RBM20: variants seen among roughly 807,000 people sequenced by gnomAD.
RBM20 encodes the protein RNA binding motif protein 20, also known as RNA-binding protein 20.
A neutral mutation model predicts 110.1 loss-of-function variants in RBM20; 51 were observed. The ratio of observed to expected loss-of-function variants is 0.46; its 90% CI spans 0.37 to 0.59. The LOEUF is 0.59. Among genes scored for constraint, RBM20 ranks in the 20% least tolerant of loss-of-function variants. RBM20 has a pLI of 0.00. For synonymous variants in RBM20, 589 were observed against 618.2 expected (o/e 0.95, Z 0.70); for missense variants, 1,512 against 1,574.9 (o/e 0.96, Z 0.68).
chr10:110,823,996 G>A (rs988349857), intron 12 of RBM20, among the ~76,000 whole-genome samples: 1 of 151,848 alleles, frequency 6.6e-6, no homozygotes, highest in Non-Finnish European at 1.5e-5. Context: ...CAAAGTGCTG[G>A]GACTACAGGT....
intron 1 of RBM20, among the ~76,000 whole-genome samples, chr10:110,656,692 G>A (rs1192853549): frequency 1.3e-5 from 2 of 152,114 alleles, no homozygotes; most frequent in Non-Finnish European, 2.9e-5. Flanking sequence ...TTGCCTATTC[G>A]GGAGATTTCA....
intron 1 of RBM20, among the ~76,000 whole-genome samples, chr10:110,713,452 G>C (rs547249839): frequency 3.9e-5 from 6 of 152,166 alleles, no homozygotes; most frequent in Non-Finnish European, 8.8e-5. Context: ...TTATAACCCT[G>C]ACTAGGATAA....
At chr10:110,774,753 G>C (rs7912920) in intron 1 of RBM20, among the ~76,000 whole-genome samples, 20,537 of 152,072 alleles carry the variant, frequency 0.14, 1,708 homozygotes, top group African/African-American at 0.23. Context: ...TAAGGCCTCA[G>C]CTCACTCTTA....
At chr10:110,661,268 C>T (rs1227328743) in intron 1 of RBM20, among the ~76,000 whole-genome samples, 1 of 152,200 alleles carries the variant, frequency 6.6e-6, no homozygotes, top group Non-Finnish European at 1.5e-5. Flanking sequence ...ATTGTAGCCT[C>T]TGCTCCTGTG....
intron 1 of RBM20, among the ~76,000 whole-genome samples, chr10:110,681,073 T>C (rs1302365477): frequency 6.6e-6 from 1 of 152,226 alleles, no homozygotes; most frequent in African/African-American, 2.4e-5. Context: ...CAGGGGCACC[T>C]TCTTCTCGCA....
intron 1 of RBM20, among the ~76,000 whole-genome samples, chr10:110,655,270 A>T (rs1477898050): frequency 1.7e-5 from 1 of 59,648 alleles, no homozygotes; most frequent in Non-Finnish European, 3.4e-5. Context: ...TCCGTCCCCC[A>T]CCCCCGCCCT....
intron 1 of RBM20, among the ~76,000 whole-genome samples, chr10:110,734,774 T>C (rs527422864): frequency 2.0e-4 from 30 of 146,930 alleles, no homozygotes; most frequent in African/African-American, 7.3e-4. Flanking sequence ...TATTCTTTAT[T>C]TATATACAGT....
intron 1 of RBM20, among the ~76,000 whole-genome samples, chr10:110,725,025 C>A (rs1277330811): frequency 6.6e-6 from 1 of 152,220 alleles, no homozygotes; most frequent in Non-Finnish European, 1.5e-5. Context: ...GTGATAAACA[C>A]TGTCACTGAG....
chr10:110,775,587 G>C (rs7090412), intron 1 of RBM20, among the ~76,000 whole-genome samples: 49,654 of 151,970 alleles, frequency 0.33, 8,357 homozygotes, highest in East Asian at 0.45. Flanking sequence ...CATGCCTGCT[G>C]CCTCCTCTCT....
chr10:110,701,100 C>T (rs900840252), intron 1 of RBM20, among the ~76,000 whole-genome samples: 11 of 152,132 alleles, frequency 7.2e-5, no homozygotes, highest in African/African-American at 2.2e-4. Context: ...AGACTCATTG[C>T]AAAGGAAATG....
At chr10:110,750,306 A>G (rs879516065) in intron 1 of RBM20, among the ~76,000 whole-genome samples, 1 of 152,200 alleles carries the variant, frequency 6.6e-6, no homozygotes, top group Non-Finnish European at 1.5e-5. Flanking sequence ...CAAACCCAAA[A>G]TCCTGATTGA....
chr10:110,732,172 T>A (rs764420072), intron 1 of RBM20, among the ~76,000 whole-genome samples: 13 of 152,164 alleles, frequency 8.5e-5, no homozygotes, highest in Non-Finnish European at 1.8e-4. Flanking sequence ...CCTTCAATAT[T>A]CCCATGTTGC....
At chr10:110,787,045 A>T (rs1200211439) in intron 5 of RBM20, among the ~76,000 whole-genome samples, 1 of 152,224 alleles carries the variant, frequency 6.6e-6, no homozygotes, top group East Asian at 1.9e-4. Flanking sequence ...ACTTGGCTCT[A>T]GGGACCTAAG....
chr10:110,751,051 G>A (rs116548586), intron 1 of RBM20, among the ~76,000 whole-genome samples: 1 of 152,192 alleles, frequency 6.6e-6, no homozygotes, highest in African/African-American at 2.4e-5. Context: ...GCAGAGAGAG[G>A]GCTTTGAAGG....
intron 1 of RBM20, among the ~76,000 whole-genome samples, chr10:110,763,803 G>GA (rs1209964920): frequency 2.5e-5 from 3 of 121,310 alleles, no homozygotes; most frequent in Non-Finnish European, 4.8e-5. Flanking sequence ...AAGACTGGTT[G>GA]AAGGCGTTAG....
At chr10:110,775,910 C>G (rs1844256441) in intron 1 of RBM20, among the ~76,000 whole-genome samples, 1 of 152,224 alleles carries the variant, frequency 6.6e-6, no homozygotes, top group Non-Finnish European at 1.5e-5. Flanking sequence ...CATCAAGGAG[C>G]TGCCTGTACC....
intron 1 of RBM20, among the ~76,000 whole-genome samples, chr10:110,765,650 C>A (rs902002624): frequency 4.6e-5 from 7 of 152,098 alleles, no homozygotes; most frequent in Non-Finnish European, 1.0e-4. Flanking sequence ...CTATCTGATG[C>A]AATTACAAGT....
Position 110,739,333 on chromosome 10 carries a change from C to T in RBM20, c.192-41468C>T, listed in dbSNP as rs1843702982. ...ATTCAATATACATTCATTAGGTGCC[C>T]ACTCTGGGTTACTGTGTCTCGCACT... On this transcript the variant is annotated intron_variant, in intron 1 of 13. Coordinates refer to ENST00000369519, the MANE Select transcript of RBM20 (RefSeq NM_001134363.3). The surrounding 1 kb of genome is among the most constrained non-coding windows in gnomAD (Gnocchi z 4.1). Among the ~76,000 whole-genome samples the T allele has an allele frequency of 6.6e-6, 1 of 152,138 alleles. No individual in the cohort carries two copies. Among genetic ancestry groups the T allele is most frequent in the African/African-American group, 2.4e-5 (1 of 41,410 alleles).
At chr10:110,668,638 C>A (rs1862216076) in intron 1 of RBM20, among the ~76,000 whole-genome samples, 1 of 152,054 alleles carries the variant, frequency 6.6e-6, no homozygotes, top group African/African-American at 2.4e-5. Context: ...GTCGTTCCTG[C>A]CCAGAGAGTT....
Sources: gnomAD v4.1 joint callset for allele counts (sites outside exome capture counted in the v4.1 genomes callset) on GRCh38, gnomAD v4.1.1 for gene constraint, Gnocchi (gnomAD v3.1) non-coding constraint, MANE v1.5 for transcripts, NCBI Gene and HGNC (gene_info 2026-07-23, HGNC 2026-07-21) for gene names.